Variants in TECTA observed in about 807,000 individuals in gnomAD.
TECTA encodes tectorin alpha.
Under a neutral mutation model 216.8 loss-of-function variants are expected in TECTA, and 128 were observed. The ratio of observed to expected loss-of-function variants is 0.59; its 90% CI spans 0.51 to 0.68. TECTA has a LOEUF of 0.68. TECTA is among the 30% of genes least tolerant of loss of function. TECTA has a pLI of 0.00. For synonymous variants in TECTA, 1,089 were observed against 1,117.1 expected, an observed-to-expected ratio of 0.97 and a Z score of 0.50; for missense variants, 2,551 against 2,786.2, an observed-to-expected ratio of 0.92 and a Z score of 1.90.
chr11:121,174,883 T>A (rs558502652), intron 20 of TECTA, among the ~76,000 whole-genome samples: 61 of 152,334 alleles, frequency 4.0e-4, no homozygotes, highest in African/African-American at 1.4e-3. Flanking sequence ...GTTACTGATC[T>A]GTTCAGAGAT....
At chr11:121,112,057 G>A (rs1946446840) in intron 4 of TECTA, among the ~76,000 whole-genome samples, 2 of 152,136 alleles carry the variant, frequency 1.3e-5, no homozygotes, top group African/African-American at 4.8e-5. Context: ...TCAGGCAGCT[G>A]GGAAAAGTGC....
chr11:121,137,503 C>A lies in TECTA; in HGVS notation c.3024C>A (p.Ile1008=), dbSNP rs760950889. Residue 1008 remains isoleucine (I), a synonymous_variant, in exon 11 of 24, where the codon ATC becomes ATA. Transcript: ENST00000392793. ...GTGAGACCCTTACCCTGGGCCCCAT[C>A]TGCGTGGATAGCTGCTCTGAGGGAT... ...ETCETLTLGP[I]CVDSCSEGCQ... 7 of 1,613,900 alleles carry A rather than the reference C, an allele frequency of 4.3e-6. No individual in the cohort carries two copies. The highest frequency in any genetic ancestry group is 5.9e-6 in the Non-Finnish European group (7 of 1,180,030).
intron 21 of TECTA, 84 bp downstream of exon 21, chr11:121,188,078 G>T: frequency 2.0e-6 from 3 of 1,466,374 alleles, no homozygotes; most frequent in South Asian, 2.3e-5. Flanking sequence ...AATGCCAGGT[G>T]ACCGGACTGG....
At chr11:121,169,244 A>G (rs1947087582) in intron 20 of TECTA, among the ~76,000 whole-genome samples, 1 of 152,198 alleles carries the variant, frequency 6.6e-6, no homozygotes, top group Non-Finnish European at 1.5e-5. Flanking sequence ...TCAAATTGGG[A>G]AGAATGTGGA....
At position 121,168,572 on chromosome 11, in the gene TECTA, A is replaced by G. The variant is rs553270836; in HGVS notation, c.5751-105A>G. On this transcript the variant is annotated intron_variant, in intron 19 of 23. Transcript: ENST00000392793. ...GGACAGCACAGCCTTAGACTTTGCT[A>G]CTACGTGCTTTGCTTTCCCTCTGCA... The G allele has an allele frequency of 4.5e-6, 7 of 1,561,514 alleles. No homozygotes were observed. In the South Asian group the frequency reaches 5.6e-5, roughly 13 times the overall value.
chr11:121,186,925 T>C (rs917351694), intron 20 of TECTA, among the ~76,000 whole-genome samples: 2 of 152,204 alleles, frequency 1.3e-5, no homozygotes, highest in African/African-American at 4.8e-5. Flanking sequence ...AGTTTTCAAA[T>C]ACATGCCACA....
At chr11:121,163,506 G>A (rs943910756) in intron 16 of TECTA, among the ~76,000 whole-genome samples, 1 of 151,030 alleles carries the variant, frequency 6.6e-6, no homozygotes, top group Non-Finnish European at 1.5e-5. Flanking sequence ...GCTAAATGAC[G>A]AGTTAATGGG....
intron 10 of TECTA, 87 bp from the exon 11 acceptor site, chr11:121,137,334 G>T: frequency 1.9e-6 from 3 of 1,555,202 alleles, no homozygotes; most frequent in Non-Finnish European, 2.7e-6. Context: ...AAACACACAT[G>T]CACTCATACA....
At chr11:121,144,473 G>C (rs1390774113) in intron 11 of TECTA, among the ~76,000 whole-genome samples, 1 of 152,038 alleles carries the variant, frequency 6.6e-6, no homozygotes, top group Non-Finnish European at 1.5e-5. Flanking sequence ...TGGGGGAAGG[G>C]ATTTCTGGTC....
At chr11:121,109,135 A>G in intron 3 of TECTA, 76 bp from the exon 4 acceptor site, 3 of 1,528,608 alleles carry the variant, frequency 2.0e-6, no homozygotes, top group Middle Eastern at 1.8e-4. Flanking sequence ...AGTTAGGCGA[A>G]TGTCTGTCTT....
At chr11:121,141,245 C>T (rs1355145111) in intron 11 of TECTA, among the ~76,000 whole-genome samples, 1 of 152,208 alleles carries the variant, frequency 6.6e-6, no homozygotes, top group African/African-American at 2.4e-5. Flanking sequence ...TTATTAGTCA[C>T]CATCTCTCCC....
intron 23 of TECTA, 57 bp from the exon 24 acceptor site, chr11:121,190,649 C>T: frequency 2.3e-6 from 3 of 1,301,850 alleles, no homozygotes; most frequent in Non-Finnish European, 3.3e-6. Context: ...TGTCTGATCC[C>T]TATCAAACAG....
At chr11:121,134,972 A>G (rs1262495002) in intron 10 of TECTA, among the ~76,000 whole-genome samples, 1 of 152,138 alleles carries the variant, frequency 6.6e-6, no homozygotes, top group African/African-American at 2.4e-5. Context: ...TTTAGGGAAG[A>G]TGTGGGCAGA....
At chr11:121,123,502 C>G (rs969617555) in intron 7 of TECTA, among the ~76,000 whole-genome samples, 2 of 152,228 alleles carry the variant, frequency 1.3e-5, no homozygotes, top group Admixed American at 1.3e-4. Flanking sequence ...TCTGGCTTCT[C>G]TGTTTCTAAT....
intron 20 of TECTA, 94 bp downstream of exon 20, chr11:121,169,019 T>C: frequency 1.9e-6 from 3 of 1,600,012 alleles, no homozygotes; most frequent in Non-Finnish European, 2.6e-6. Context: ...CTAATATTTG[T>C]TGGCTGCCTA....
intron 8 of TECTA, among the ~76,000 whole-genome samples, chr11:121,126,833 C>A (rs1257638363): frequency 6.6e-6 from 1 of 152,210 alleles, no homozygotes; most frequent in Non-Finnish European, 1.5e-5. Context: ...ACCAGAGCAT[C>A]CATATTTGGA....
intron 12 of TECTA, among the ~76,000 whole-genome samples, chr11:121,148,899 C>A (rs1171460948): frequency 1.3e-5 from 2 of 152,236 alleles, no homozygotes; most frequent in African/African-American, 4.8e-5. Context: ...ACTAGCCTCT[C>A]CTTAAAATTC....
At chr11:121,161,927 A>G in intron 15 of TECTA, 148 bp from the exon 16 acceptor site, 1 of 882,010 alleles carries the variant, frequency 1.1e-6, no homozygotes, top group Middle Eastern at 3.2e-4. Context: ...AATAGAGACT[A>G]GCAGTATCTT....
chr11:121,138,516 C>G (rs1242934082), intron 11 of TECTA, among the ~76,000 whole-genome samples: 6 of 152,222 alleles, frequency 3.9e-5, no homozygotes, highest in African/African-American at 1.4e-4. Flanking sequence ...CTCCGTCTCT[C>G]CTGGTCCCTT....
Sources: gnomAD v4.1 joint callset for allele counts (sites outside exome capture counted in the v4.1 genomes callset) on GRCh38, gnomAD v4.1.1 for gene constraint, MANE v1.5 for transcripts, NCBI Gene and HGNC (gene_info 2026-07-23, HGNC 2026-07-21) for gene names.